The following TRPV1 variants were observed in gnomAD, a reference collection of about 807,000 sequenced individuals.
TRPV1 encodes the protein transient receptor potential cation channel subfamily V member 1.
Under a neutral mutation model 82.3 loss-of-function variants are expected in TRPV1, and 82 were observed. That is an observed-to-expected ratio of 1.00 (90% CI 0.83 to 1.20). The LOEUF (loss-of-function observed/expected upper bound fraction) is 1.20, where lower values mean the gene tolerates loss of function less well. TRPV1 is among the 50% of genes most tolerant of loss of function. The probability of loss-of-function intolerance (pLI) is 0.00; values close to 1 mark genes in which losing one functional copy is unlikely to be tolerated. For synonymous variants in TRPV1, 515 were observed against 467.7 expected (o/e 1.10, Z -1.30); for missense variants, 1,067 against 1,096.8 (o/e 0.97, Z 0.38).
At chr17:3,574,378 C>A (rs558902190) in intron 13 of TRPV1, among the ~76,000 whole-genome samples, 2 of 152,290 alleles carry the variant, frequency 1.3e-5, no homozygotes, top group South Asian at 4.1e-4. Context: ...TGGCCCAGAG[C>A]CTGAGAGCCT....
At position 3,592,192 on chromosome 17, in the gene TRPV1, A is replaced by G; in HGVS notation, c.159T>C (p.Gly53=). The change falls in exon 3 of 17, where the codon GGT becomes GGC. Residue 53 remains glycine (G), a synonymous_variant. Coordinates refer to ENST00000572705, the MANE Select transcript of TRPV1 (RefSeq NM_080704.4). The part of the protein sequence containing the change: ...AKSRTRLFGK[G]DSEEAFPVDC... ...CCACCGGGAAAGCCTCCTCCGAGTCACCCTTCCCAAAGAGCCGGGTGCGGC... is the reference window on the plus strand; with the variant it reads ...CCACCGGGAAAGCCTCCTCCGAGTCGCCCTTCCCAAAGAGCCGGGTGCGGC... 1 of 1,613,034 alleles carries G rather than the reference A, an allele frequency of 6.2e-7. No individual in the cohort carries two copies. The highest frequency in any genetic ancestry group is 8.5e-7 in the Non-Finnish European group (1 of 1,179,572).
At position 3,577,653 on chromosome 17, in the gene TRPV1, A is replaced by G. The variant is rs745594377; in HGVS notation, c.1658T>C (p.Leu553Pro). The G allele has an allele frequency of 6.3e-7, 1 of 1,586,748 alleles. No homozygotes were observed. The highest frequency in any genetic ancestry group is 1.2e-5 in the South Asian group (1 of 86,654). The change falls in exon 12 of 17, where the codon CTC becomes CCC. Residue 553 changes from leucine to proline, a missense_variant. By Grantham distance (98) the Leu-to-Pro change is moderately conservative. Transcript: ENST00000572705. ...FSLALGWTNM[L>P]YYTRGFQQMG... ...CTGCTGGAAACCGCGGGTGTAGTAGAGCATGTTGGTCCAGCCCAAGGCCAG... is the reference window on the plus strand; with the variant it reads ...CTGCTGGAAACCGCGGGTGTAGTAGGGCATGTTGGTCCAGCCCAAGGCCAG...
At chr17:3,571,926 C>G (rs1165029762) in intron 15 of TRPV1, among the ~76,000 whole-genome samples, 196 bp downstream of exon 15, 1 of 152,150 alleles carries the variant, frequency 6.6e-6, no homozygotes, top group Non-Finnish European at 1.5e-5. Flanking sequence ...GTCTGGGCCC[C>G]ACCAGATGAG....
chr17:3,568,069 TC>T (rs1318754462), intron 16 of TRPV1, among the ~76,000 whole-genome samples: 3 of 152,126 alleles, frequency 2.0e-5, no homozygotes, highest in Non-Finnish European at 4.4e-5. Context: ...ACGCCTGTAA[TC>T]CCAGCACTGT....
chr17:3,566,033 G>A lies in TRPV1; in HGVS notation c.*782C>T, dbSNP rs958959277. The A allele has an allele frequency of 3.3e-5, 5 of 151,288 alleles. No homozygotes were observed. The highest frequency in any genetic ancestry group is 7.3e-5 in the African/African-American group (3 of 41,086). 9.4% of individuals were successfully genotyped at this position (151,288 alleles called of 1,614,324 possible). On this transcript the variant is annotated 3_prime_UTR_variant, in exon 17 of 17. Transcript: ENST00000572705. ...TTAAAAATACAAAAATTAGCCGGGC[G>A]TGGTAGTGCTCACCTGTAATCCAAG...
At chr17:3,589,046 G>GATTAC in intron 7 of TRPV1, 1 of 1,342,670 alleles carries the variant, frequency 7.4e-7, no homozygotes, top group Non-Finnish European at 1.0e-6. Context: ...AGCTACTTGG[G>GATTAC]AGGCTGAGGT....
intron 2 of TRPV1, chr17:3,597,154 G>T (rs1291862832): frequency 6.5e-6 from 1 of 153,538 alleles, no homozygotes; most frequent in Admixed American, 6.5e-5. Context: ...CTGCGGCTCT[G>T]ATTCCCAGAG....
At chr17:3,569,059 T>C (rs367899145) in intron 16 of TRPV1, among the ~76,000 whole-genome samples, 9 of 151,866 alleles carry the variant, frequency 5.9e-5, no homozygotes, top group African/African-American at 1.5e-4. Flanking sequence ...TAGGTGGGAA[T>C]TGAACAATGA....
At chr17:3,569,116 G>C (rs1030796990) in intron 16 of TRPV1, among the ~76,000 whole-genome samples, 15 of 151,924 alleles carry the variant, frequency 9.9e-5, no homozygotes, top group African/African-American at 3.6e-4. Context: ...GGGGCCTGTT[G>C]TGGGGTTGGG....
intron 2 of TRPV1, among the ~76,000 whole-genome samples, chr17:3,597,495 TCCGAGCAA>T (rs1168106615): frequency 6.6e-6 from 1 of 151,792 alleles, no homozygotes; most frequent in Non-Finnish European, 1.5e-5. Context: ...GTTTTGAGAG[TCCGAGCAA>T]CCTTGAACTA....
chr17:3,608,066 C>T (rs960594396), intron 2 of TRPV1, among the ~76,000 whole-genome samples: 2 of 151,862 alleles, frequency 1.3e-5, no homozygotes, highest in Non-Finnish European at 2.9e-5. Flanking sequence ...ACTAAATTAG[C>T]CAGGCGTGGT....
At chr17:3,583,850 G>T (rs1199946524) in intron 9 of TRPV1, among the ~76,000 whole-genome samples, 1 of 152,222 alleles carries the variant, frequency 6.6e-6, no homozygotes, top group Non-Finnish European at 1.5e-5. Context: ...TGGAGGGAGA[G>T]ACTGTGCCAC....
chr17:3,573,198 T>C (rs2074881771), intron 14 of TRPV1, among the ~76,000 whole-genome samples: 1 of 152,126 alleles, frequency 6.6e-6, no homozygotes, highest in African/African-American at 2.4e-5. Flanking sequence ...CCCTGCCTCA[T>C]GGTAGCTGCT....
At position 3,571,921 on chromosome 17, in the gene TRPV1, G is replaced by C. The variant is rs1320734458; in HGVS notation, c.2231+201C>G. On this transcript the variant is annotated intron_variant, in intron 15 of 16. Coordinates refer to ENST00000572705, the MANE Select transcript of TRPV1 (RefSeq NM_080704.4). Reference sequence around the variant, plus strand: ...CGAATTTTCCAGAATTTAGTGTCTGGGCCCCACCAGATGAGATCTAAGATG... The same window carrying C: ...CGAATTTTCCAGAATTTAGTGTCTGCGCCCCACCAGATGAGATCTAAGATG... 2.0e-5 allele frequency among the ~76,000 whole-genome samples: 3 copies of C among 152,090 alleles called. No homozygotes were observed. The East Asian group carries it at 5.8e-4, about 29-fold the overall frequency.
chr17:3,608,342 CTT>C (rs1474537386), intron 2 of TRPV1, 83 bp downstream of exon 2: 2 of 152,046 alleles, frequency 1.3e-5, no homozygotes, highest in African/African-American at 2.4e-5. Flanking sequence ...TACGGTTTCT[CTT>C]TGGCATATCC....
At chr17:3,594,027 C>T (rs1420978524) in intron 2 of TRPV1, among the ~76,000 whole-genome samples, 1 of 148,586 alleles carries the variant, frequency 6.7e-6, no homozygotes, top group Admixed American at 6.9e-5. Context: ...ACTCGGGAGG[C>T]TGAGGCAGGA....
At chr17:3,573,319 C>T (rs1365433064) in intron 14 of TRPV1, among the ~76,000 whole-genome samples, 1 of 152,130 alleles carries the variant, frequency 6.6e-6, no homozygotes, top group East Asian at 1.9e-4. Flanking sequence ...AGACCACAGC[C>T]AAGCACGGTG....
chr17:3,569,336 AG>A (rs1490420589), intron 16 of TRPV1, among the ~76,000 whole-genome samples: 1 of 152,124 alleles, frequency 6.6e-6, no homozygotes, highest in Admixed American at 6.5e-5. Flanking sequence ...CTGAGGTGGG[AG>A]GATCACTTGA....
At chr17:3,579,672 C>T (rs570472291) in intron 11 of TRPV1, among the ~76,000 whole-genome samples, 2 of 152,270 alleles carry the variant, frequency 1.3e-5, no homozygotes, top group East Asian at 3.9e-4. Flanking sequence ...GACGGGGTTT[C>T]ACCATGTTGG....
Sources: allele counts gnomAD v4.1 joint callset (sites outside exome capture counted in the v4.1 genomes callset), GRCh38; gene constraint gnomAD v4.1.1; transcripts MANE v1.5; gene names NCBI Gene and HGNC (gene_info 2026-07-23, HGNC 2026-07-21).